The following ASIC2 variants were observed in gnomAD, a reference collection of about 807,000 sequenced individuals.
ASIC2 encodes the protein acid sensing ion channel subunit 2.
ASIC2 carries 25 observed loss-of-function variants against 57.3 expected under a neutral mutation model. That is an observed-to-expected ratio of 0.44 (90% confidence interval 0.32 to 0.61). ASIC2 has a LOEUF of 0.61. Among genes scored for constraint, ASIC2 ranks in the 20% least tolerant of loss-of-function variants. ASIC2 has a pLI of 0.06. For synonymous variants in ASIC2, 319 were observed against 307.5 expected, an observed-to-expected ratio of 1.04 and a Z score of -0.39; for missense variants, 641 against 738.1, an observed-to-expected ratio of 0.87 and a Z score of 1.52.
intron 1 of ASIC2, among the ~76,000 whole-genome samples, chr17:33,843,680 GT>G (rs1317293162): frequency 6.6e-6 from 1 of 152,206 alleles, no homozygotes; most frequent in Non-Finnish European, 1.5e-5. Flanking sequence ...CAATCTCAGG[GT>G]AATTCTTCAA....
At chr17:33,508,116 G>A (rs964731044) in intron 1 of ASIC2, among the ~76,000 whole-genome samples, 17 of 149,372 alleles carry the variant, frequency 1.1e-4, no homozygotes, top group Admixed American at 1.3e-4. Flanking sequence ...TTCTCTTCCT[G>A]CCCTCCCCTC....
chr17:33,021,169 C>A, intron 7 of ASIC2, 50 bp downstream of exon 7: 5 of 797,908 alleles, frequency 6.3e-6, no homozygotes, highest in South Asian at 4.3e-5. Context: ...TCCTCCCTCC[C>A]TCCCACCCTC....
chr17:33,240,328 T>A (rs1270682291), intron 1 of ASIC2, among the ~76,000 whole-genome samples: 1 of 152,158 alleles, frequency 6.6e-6, no homozygotes, highest in African/African-American at 2.4e-5. Context: ...CCTACAGGTT[T>A]TTTTTTGGAT....
intron 1 of ASIC2, chr17:33,794,667 T>C (rs1911864216): frequency 6.6e-6 from 1 of 152,160 alleles, no homozygotes; most frequent in African/African-American, 2.4e-5. Flanking sequence ...TTCCAGGTAA[T>C]ATTGGGTGAG....
intron 1 of ASIC2, among the ~76,000 whole-genome samples, chr17:33,956,594 A>G (rs922117581): frequency 6.6e-6 from 1 of 151,892 alleles, no homozygotes. Context: ...TCAGCTTAAA[A>G]CTCACGTCAC....
chr17:33,120,541 A>G (rs8065313), intron 1 of ASIC2, among the ~76,000 whole-genome samples: 101,935 of 152,132 alleles, frequency 0.67, 34,752 homozygotes, highest in African/African-American at 0.79. Flanking sequence ...CTGGAAAGGC[A>G]TTCAAGATGC....
chr17:33,675,056 C>T (rs1450537689), intron 1 of ASIC2, among the ~76,000 whole-genome samples: 3 of 152,216 alleles, frequency 2.0e-5, no homozygotes, highest in African/African-American at 2.4e-5. Context: ...CAAATAAAAG[C>T]GTCCGCCTTC....
At chr17:34,104,538 A>G (rs998991451) in intron 1 of ASIC2, among the ~76,000 whole-genome samples, 1 of 151,804 alleles carries the variant, frequency 6.6e-6, no homozygotes, top group Non-Finnish European at 1.5e-5. Context: ...TTTTTTTCTG[A>G]TCTTAGGGGA....
intron 1 of ASIC2, among the ~76,000 whole-genome samples, chr17:33,388,309 C>T (rs947677697): frequency 2.0e-5 from 3 of 152,200 alleles, no homozygotes; most frequent in Non-Finnish European, 2.9e-5. Context: ...CCTAGTAATA[C>T]GTATTTTGGA....
Position 34,002,996 on chromosome 17 carries a change from G to A in ASIC2, c.555+152982C>T, listed in dbSNP as rs966898252. On this transcript the variant is annotated intron_variant, in intron 1 of 9. Transcript: ENST00000359872. ...AATAGCAGAATAAAAAGGAATGAAT[G>A]ATGCCTATCAGAGACAACACAGTTC... The A allele has an allele frequency of 7.2e-5, 11 of 152,346 alleles. No individual in the cohort carries two copies. In the South Asian group the frequency reaches 2.3e-3, roughly 32 times the overall value. The allele number at this position is 152,346 out of a possible 1,614,324, so 9.4% of individuals were successfully genotyped here.
chr17:33,938,209 A>G (rs1024184045), intron 1 of ASIC2, among the ~76,000 whole-genome samples: 1 of 152,132 alleles, frequency 6.6e-6, no homozygotes, highest in African/African-American at 2.4e-5. Context: ...AACGGGACAA[A>G]AAGGGGTTAC....
chr17:34,019,030 C>A (rs903492623), intron 1 of ASIC2, among the ~76,000 whole-genome samples: 1 of 152,144 alleles, frequency 6.6e-6, no homozygotes, highest in Admixed American at 6.5e-5. Flanking sequence ...GCCTCAGCCT[C>A]CCGAGTAGCT....
chr17:34,027,104 C>T (rs1907404239), intron 1 of ASIC2, among the ~76,000 whole-genome samples: 1 of 152,126 alleles, frequency 6.6e-6, no homozygotes, highest in African/African-American at 2.4e-5. Flanking sequence ...ATGCCTGATG[C>T]TAACAATGAT....
chr17:33,443,405 G>GTTTTTTT (rs1567862521), intron 1 of ASIC2, among the ~76,000 whole-genome samples: 1 of 99,480 alleles, frequency 1.0e-5, no homozygotes, highest in African/African-American at 3.9e-5. Context: ...TGGAGGGTAA[G>GTTTTTTT]ATTTTTTTTT....
In ASIC2 at chr17:33,255,028, C is replaced by CTTTTTT. The variant is rs1173076413; in HGVS notation, c.708+36374_708+36379dup. On this transcript the variant is annotated intron_variant, in intron 1 of 9. Coordinates refer to ENST00000225823, the MANE Select transcript of ASIC2 (RefSeq NM_183377.2). The stretch of plus-strand genomic sequence containing the variant: ...GACAAAATGCTATTTAGAAAGAAAT[C>CTTTTTT]TTTTTTTTTTTTTTTTTTTTTTTTT... Among the ~76,000 whole-genome samples the CTTTTTT allele has an allele frequency of 1.4e-3, 102 of 73,974 alleles. 2 individuals are homozygous for CTTTTTT. Among genetic ancestry groups the CTTTTTT allele is most frequent in the African/African-American group, 4.0e-3 (69 of 17,356 alleles). 48.5% of individuals were successfully genotyped at this position (73,974 alleles called of 152,430 possible).
intron 1 of ASIC2, among the ~76,000 whole-genome samples, chr17:33,312,587 C>T (rs1906476248): frequency 6.6e-6 from 1 of 152,162 alleles, no homozygotes; most frequent in South Asian, 2.1e-4. Flanking sequence ...GCAAGGGCTG[C>T]ACCTACTTAG....
intron 1 of ASIC2, among the ~76,000 whole-genome samples, chr17:33,466,970 C>A (rs1469255830): frequency 6.6e-6 from 1 of 152,150 alleles, no homozygotes; most frequent in Non-Finnish European, 1.5e-5. Flanking sequence ...AAAGCAATGG[C>A]AACAAAATCC....
intron 1 of ASIC2, among the ~76,000 whole-genome samples, chr17:33,356,631 G>A (rs139680068): frequency 2.6e-5 from 4 of 152,096 alleles, no homozygotes; most frequent in African/African-American, 9.7e-5. Context: ...AACACGGAGC[G>A]TGTTAACCTC....
chr17:33,726,341 C>T (rs539167379), intron 1 of ASIC2, among the ~76,000 whole-genome samples: 3 of 152,128 alleles, frequency 2.0e-5, no homozygotes, highest in African/African-American at 2.4e-5. Context: ...AGAACTGCCC[C>T]GCTGAACCCA....
Sources: allele counts gnomAD v4.1 joint callset (sites outside exome capture counted in the v4.1 genomes callset), GRCh38; gene constraint gnomAD v4.1.1; transcripts MANE v1.5; gene names NCBI Gene and HGNC (gene_info 2026-07-23, HGNC 2026-07-21).